The following RP9 variants were observed in gnomAD, a reference collection of about 807,000 sequenced individuals.
The protein encoded by RP9 is RP9 pre-mRNA splicing factor.
A neutral mutation model predicts 32.6 loss-of-function variants in RP9; 23 were observed. That is an observed-to-expected ratio of 0.71 (90% CI 0.51 to 1.00). The LOEUF (loss-of-function observed/expected upper bound fraction) is 1.00, where lower values mean the gene tolerates loss of function less well. RP9 is among the 50% of genes least tolerant of loss of function. The pLI is 0.00. For synonymous variants in RP9, 94 were observed against 103.6 expected (o/e 0.91, Z 0.56); for missense variants, 245 against 285.3 (o/e 0.86, Z 1.02).
intron 1 of RP9, among the ~76,000 whole-genome samples, chr7:33,103,879 A>G (rs921872423): frequency 2.0e-5 from 3 of 151,810 alleles, no homozygotes; most frequent in East Asian, 1.9e-4. Flanking sequence ...GATATTAGAG[A>G]AAAAAAAATT....
At chr7:33,102,953 G>A (rs573675133) in intron 1 of RP9, among the ~76,000 whole-genome samples, 7 of 152,288 alleles carry the variant, frequency 4.6e-5, no homozygotes, top group African/African-American at 1.7e-4. Flanking sequence ...ATCACATCAG[G>A]GATGAAAAGA....
chr7:33,105,030 A>G (rs1261857968), intron 1 of RP9, among the ~76,000 whole-genome samples: 1 of 152,200 alleles, frequency 6.6e-6, no homozygotes, highest in African/African-American at 2.4e-5. Flanking sequence ...TGGCTTTGGT[A>G]AAATGTGAGA....
chr7:33,103,028 T>C (rs74885723), intron 1 of RP9, among the ~76,000 whole-genome samples: 2,813 of 152,294 alleles, frequency 0.018, 39 homozygotes, highest in Non-Finnish European at 0.028. Flanking sequence ...CTGACCAACA[T>C]GCTTATCTAT....
intron 1 of RP9, among the ~76,000 whole-genome samples, chr7:33,105,464 C>T (rs1584004585): frequency 6.6e-6 from 1 of 151,970 alleles, no homozygotes; most frequent in East Asian, 1.9e-4. Context: ...GCCAGAAGCC[C>T]TACAAATAAC....
In RP9 at chr7:33,099,296, C is replaced by T; in HGVS notation, c.313+11G>A. On this transcript the variant is annotated intron_variant, in intron 3 of 5. Transcript: ENST00000297157. ...AAGTTGCATGGATTAGGGAAACTCT[C>T]CCACACTCACACTGCATAACTTTGA... The T allele has an allele frequency of 1.2e-6, 2 of 1,612,504 alleles. No individual in the cohort carries two copies. Among genetic ancestry groups the T allele is most frequent in the Non-Finnish European group, 1.7e-6 (2 of 1,179,916 alleles).
At chr7:33,104,688 C>T (rs557001876) in intron 1 of RP9, among the ~76,000 whole-genome samples, 11 of 152,236 alleles carry the variant, frequency 7.2e-5, no homozygotes, top group African/African-American at 2.6e-4. Flanking sequence ...TACTATTTTC[C>T]TCCTGCCTCA....
intron 1 of RP9, among the ~76,000 whole-genome samples, chr7:33,107,966 C>G (rs1788522379): frequency 6.6e-6 from 1 of 152,186 alleles, no homozygotes; most frequent in Non-Finnish European, 1.5e-5. Flanking sequence ...CGTTTGCCTT[C>G]TTTGAACAGG....
chr7:33,095,092 T>C lies in RP9; in HGVS notation c.*142A>G. On this transcript the variant is annotated 3_prime_UTR_variant, in exon 6 of 6. Transcript: ENST00000297157. ...CCCTCTCCTGGGGTCACATCTTCAC[T>C]GCAAGGCGGGTGGGAGCTCACTGCT... The C allele has an allele frequency of 1.4e-6, 1 of 732,642 alleles. No individual in the cohort carries two copies. Among genetic ancestry groups the C allele is most frequent in the South Asian group, 1.8e-5 (1 of 56,694 alleles). The allele number at this position is 732,642 out of a possible 1,614,324, so 45.4% of individuals were successfully genotyped here. A position where few individuals can be genotyped will look rare whatever the true frequency, so the allele number is the denominator to read the frequency against.
chr7:33,099,011 A>G (rs921388884), intron 3 of RP9: 5 of 482,908 alleles, frequency 1.0e-5, no homozygotes, highest in African/African-American at 2.0e-5. Context: ...TGGGTGGCCT[A>G]AACAACAGAA....
intron 1 of RP9, among the ~76,000 whole-genome samples, chr7:33,106,592 GAAGTT>G (rs1463601310): frequency 6.6e-6 from 1 of 152,188 alleles, no homozygotes; most frequent in Non-Finnish European, 1.5e-5. Context: ...ACTGTGACAA[GAAGTT>G]AAGAGGTATG....
chr7:33,107,750 T>C (rs1018241427), intron 1 of RP9, among the ~76,000 whole-genome samples: 2 of 152,270 alleles, frequency 1.3e-5, no homozygotes, highest in African/African-American at 4.8e-5. Context: ...ACTTTTCTTA[T>C]ATGAATTATG....
chr7:33,109,335 G>GCAGCCCCCA lies in RP9; in HGVS notation c.29_37dup (p.Val10_Ala12dup). On this transcript the variant is annotated inframe_insertion, in exon 1 of 6. Coordinates refer to ENST00000297157, the MANE Select transcript of RP9 (RefSeq NM_203288.2). This position sits in a 1 kb window ranked among gnomAD's most constrained non-coding sequence, Gnocchi z 4.9. ...CGGCTCACGCGGCCGCCGCGCGCCCGCAGCCCCCACGTCCTCGCGCCCAGG... is the reference window on the plus strand; with the variant it reads ...CGGCTCACGCGGCCGCCGCGCGCCCGCAGCCCCCACAGCCCCCACGTCCTCGCGCCCAGG... 6.9e-7 allele frequency: 1 copy of GCAGCCCCCA among 1,453,460 alleles called. No individual in the cohort carries two copies. Among genetic ancestry groups the GCAGCCCCCA allele is most frequent in the Non-Finnish European group, 9.0e-7 (1 of 1,107,034 alleles). The allele number at this position is 1,453,460 out of a possible 1,614,324, so 90.0% of individuals were successfully genotyped here. A position where few individuals can be genotyped will look rare whatever the true frequency, so the allele number is the denominator to read the frequency against.
intron 1 of RP9, among the ~76,000 whole-genome samples, chr7:33,106,649 T>G (rs889751349): frequency 2.6e-5 from 4 of 152,140 alleles, no homozygotes; most frequent in African/African-American, 9.7e-5. Context: ...AATATACAAT[T>G]TAGGAATATA....
At position 33,099,376 on chromosome 7, in the gene RP9, C is replaced by T; in HGVS notation, c.244G>A (p.Glu82Lys). 1 of 1,613,610 alleles carries T rather than the reference C, an allele frequency of 6.2e-7. No homozygotes were observed. Among genetic ancestry groups the T allele is most frequent in the Non-Finnish European group, 8.5e-7 (1 of 1,179,906 alleles). The part of the protein sequence containing the change: ...PDVPGNEHAR[E>K]FLAHAPTKGL... ...TTAGTTGGTGCATGAGCCAGAAATT[C>T]CCTGGCGTGTTCATTGCCTGGTACA... The change falls in exon 3 of 6, where the codon GAA becomes AAA. Residue 82 changes from glutamate (E) to lysine (K), a missense_variant. This residue lies in a region of RP9 where 182 missense variants were observed against 175.5 expected (regional missense o/e 1.04). Transcript: ENST00000297157.
chr7:33,096,297 TA>T (rs1400153534), intron 5 of RP9, among the ~76,000 whole-genome samples, 195 bp downstream of exon 5: 1 of 152,170 alleles, frequency 6.6e-6, no homozygotes, highest in African/African-American at 2.4e-5. Context: ...GGCTTTAAGT[TA>T]ACCCAAGGAG....
At chr7:33,097,082 T>G (rs1251444071) in intron 4 of RP9, among the ~76,000 whole-genome samples, 189 bp downstream of exon 4, 4 of 152,250 alleles carry the variant, frequency 2.6e-5, no homozygotes, top group Non-Finnish European at 1.5e-5. Context: ...GAATTCCTTT[T>G]TTTTGTAAAA....
chr7:33,099,268 T>C lies in RP9; in HGVS notation c.313+39A>G, dbSNP rs1332707584. On this transcript the variant is annotated intron_variant, in intron 3 of 5. Transcript: ENST00000297157. ...TAAACACTCTTTGTAAATTGAGGCA[T>C]GTAAGTTGCATGGATTAGGGAAACT... The C allele has an allele frequency of 2.5e-6, 4 of 1,609,322 alleles. No individual in the cohort carries two copies. The South Asian group carries it at 4.4e-5, about 18-fold the overall frequency.
chr7:33,099,527 G>A, intron 2 of RP9, 91 bp from the exon 3 acceptor site: 1 of 1,425,908 alleles, frequency 7.0e-7, no homozygotes, highest in Non-Finnish European at 9.9e-7. Flanking sequence ...GCTTTTTCCT[G>A]GGCTTCCGGT....
chr7:33,105,055 A>C (rs913079628), intron 1 of RP9, among the ~76,000 whole-genome samples: 2 of 152,184 alleles, frequency 1.3e-5, no homozygotes, highest in Non-Finnish European at 2.9e-5. Flanking sequence ...ACTTATAAAG[A>C]GGAAGACATG....
Sources: gnomAD v4.1 joint callset for allele counts (sites outside exome capture counted in the v4.1 genomes callset) on GRCh38, gnomAD v4.1.1 for gene constraint, gnomAD v4.1.1 regional missense constraint, Gnocchi (gnomAD v3.1) non-coding constraint, MANE v1.5 for transcripts, NCBI Gene and HGNC (gene_info 2026-07-23, HGNC 2026-07-21) for gene names.